MEF2B: variants seen among roughly 807,000 people sequenced by gnomAD.
MEF2B encodes the protein myocyte-specific enhancer factor 2B.
Under a neutral mutation model 32.2 loss-of-function variants are expected in MEF2B, and 15 were observed. That is an observed-to-expected ratio of 0.47 (90% CI 0.31 to 0.72). The LOEUF is 0.72. Among genes scored for constraint, MEF2B ranks in the 30% least tolerant of loss-of-function variants. The probability of loss-of-function intolerance (pLI) is 0.05; values close to 1 mark genes in which losing one functional copy is unlikely to be tolerated. For synonymous variants in MEF2B, 205 were observed against 225.6 expected, an observed-to-expected ratio of 0.91 and a Z score of 0.82; for missense variants, 441 against 511.5, an observed-to-expected ratio of 0.86 and a Z score of 1.33.
Position 19,147,176 on chromosome 19 carries a change from G to T in MEF2B, c.401C>A (p.Ala134Asp). 6.4e-7 allele frequency: 1 copy of T among 1,574,614 alleles called. No individual in the cohort carries two copies. The highest frequency in any genetic ancestry group is 8.6e-7 in the Non-Finnish European group (1 of 1,160,538). ...ALPRPRLYPA[A>D]PAMPSPDVVY... ...CACATCTGGGCTGGGCATAGCAGGA[G>T]CTGCAGGCTGTGGGTAGAGAAGGGA... The change falls in exon 5 of 9, where the codon GCT becomes GAT. Residue 134 changes from alanine to aspartate, a missense_variant. Physicochemically the swap from Ala to Asp is moderately radical, Grantham distance 126. This residue lies in a region of MEF2B where 326 missense variants were observed against 328.4 expected (regional missense o/e 0.99). Transcript: ENST00000424583.
At chr19:19,148,630 C>G (rs1388013336) in intron 3 of MEF2B, among the ~76,000 whole-genome samples, 1 of 152,156 alleles carries the variant, frequency 6.6e-6, no homozygotes, top group Non-Finnish European at 1.5e-5. Context: ...GCCCGCTGCT[C>G]TCTGCAGCCC....
chr19:19,158,591 G>T (rs1192560634), intron 1 of MEF2B, among the ~76,000 whole-genome samples: 2 of 138,512 alleles, frequency 1.4e-5, no homozygotes, highest in Non-Finnish European at 3.1e-5. Flanking sequence ...AGCCCTGTCT[G>T]TAGGAAAAAA....
chr19:19,164,884 C>T lies in MEF2B; in HGVS notation c.-30+5321G>A, dbSNP rs1726315316. Among the ~76,000 whole-genome samples, 4 of 152,160 alleles carry T rather than the reference C, an allele frequency of 2.6e-5. No homozygotes were observed. In the South Asian group the frequency reaches 8.3e-4, roughly 32 times the overall value. On this transcript the variant is annotated intron_variant, in intron 1 of 8. Coordinates refer to ENST00000424583, the MANE Select transcript of MEF2B (RefSeq NM_001145785.2). ...GCCACAGTAGTGGCTGCAGGGACAGCCCAAGGTTTTCCTCTCTTTGTTCCA... is the reference window on the plus strand; with the variant it reads ...GCCACAGTAGTGGCTGCAGGGACAGTCCAAGGTTTTCCTCTCTTTGTTCCA...
chr19:19,157,654 C>A (rs11878175), intron 1 of MEF2B, among the ~76,000 whole-genome samples: 1,657 of 152,272 alleles, frequency 0.011, 37 homozygotes, highest in African/African-American at 0.037. Flanking sequence ...TTGAGACAAG[C>A]CTGGCCAACA....
chr19:19,146,340 G>T lies in MEF2B; in HGVS notation c.814C>A (p.Pro272Thr), dbSNP rs1487450265. ...DPPPPPGLLQ[P>T]PTLAPWQPSR... is the part of the protein sequence containing the mutation. Reference sequence around the variant, plus strand: ...GGCTGCCAGGGGGCCAGGGTGGGGGGCTGCAACAAGCCAGGGGGCGGTGGA... The same window carrying T: ...GGCTGCCAGGGGGCCAGGGTGGGGGTCTGCAACAAGCCAGGGGGCGGTGGA... The change falls in exon 8 of 9, where the codon CCC (proline) becomes ACC (threonine). Residue 272 changes from proline (P) to threonine (T), a missense_variant. Physicochemically the swap from Pro to Thr is conservative, Grantham distance 38. Coordinates refer to ENST00000424583, the MANE Select transcript of MEF2B (RefSeq NM_001145785.2). 9.3e-6 allele frequency: 11 copies of T among 1,184,402 alleles called. No homozygotes were observed. The highest frequency in any genetic ancestry group is 5.9e-5 in the East Asian group (2 of 33,698). The allele number at this position is 1,184,402 out of a possible 1,614,324, so 73.4% of individuals were successfully genotyped here. A position where few individuals can be genotyped will look rare whatever the true frequency, so the allele number is the denominator to read the frequency against.
rs200436426 is a variant in MEF2B, at chr19:19,145,755, G to A, written c.*42C>T. On this transcript the variant is annotated 3_prime_UTR_variant, in exon 9 of 9. Coordinates refer to ENST00000424583, the MANE Select transcript of MEF2B (RefSeq NM_001145785.2). This position sits in a 1 kb window ranked among gnomAD's most constrained non-coding sequence, Gnocchi z 4.6. ...GGTGGGGTCCCCACGTGCCCTCGCCGTACCTGGCGAGCGCTCTGGGCTGGT... is the reference window on the plus strand; with the variant it reads ...GGTGGGGTCCCCACGTGCCCTCGCCATACCTGGCGAGCGCTCTGGGCTGGT... 1.3e-6 allele frequency: 2 copies of A among 1,556,748 alleles called. No individual in the cohort carries two copies. The highest frequency in any genetic ancestry group is 2.4e-5 in the East Asian group (1 of 42,036).
chr19:19,161,494 AAC>A (rs1242945811), intron 1 of MEF2B, among the ~76,000 whole-genome samples: 2 of 151,908 alleles, frequency 1.3e-5, no homozygotes, highest in African/African-American at 4.8e-5. Context: ...CAGCTCTCCA[AAC>A]ACACACATCC....
rs1268430282 is a variant in MEF2B at position 19,145,814 on chromosome 19, C to T, written c.1090G>A (p.Asp364Asn). 1.3e-5 allele frequency: 20 copies of T among 1,534,466 alleles called. No homozygotes were observed. The highest frequency in any genetic ancestry group is 2.5e-5 in the East Asian group (1 of 40,798). ...GPALRRLPLA[D>N]GWPR ...GTGATCTCCTACCGGGGCCAGCCGT[C>T]GGCCAAGGGCAGCCGGCGCAGGGCG... The change falls in exon 9 of 9, where the codon GAC becomes AAC. Residue 364 changes from aspartate to asparagine, a missense_variant. Coordinates refer to ENST00000424583, the MANE Select transcript of MEF2B (RefSeq NM_001145785.2). The surrounding 1 kb of genome is among the most constrained non-coding windows in gnomAD (Gnocchi z 4.6).
At chr19:19,167,902 G>A (rs2060222535) in intron 1 of MEF2B, among the ~76,000 whole-genome samples, 1 of 152,138 alleles carries the variant, frequency 6.6e-6, no homozygotes, top group African/African-American at 2.4e-5. Flanking sequence ...GGGGCCTAGT[G>A]TTACTACCTG....
At chr19:19,149,067 G>T in intron 3 of MEF2B, 159 bp downstream of exon 3, 1 of 893,136 alleles carries the variant, frequency 1.1e-6, no homozygotes, top group Non-Finnish European at 1.7e-6. Context: ...CAAATGTTTG[G>T]ATGAGTGGAG....
At chr19:19,159,241 T>TAAA (rs35056015) in intron 1 of MEF2B, among the ~76,000 whole-genome samples, 27,254 of 87,390 alleles carry the variant, frequency 0.31, 3,935 homozygotes, top group Non-Finnish European at 0.33. Context: ...GTGCGTGGCC[T>TAAA]AAAAAAAAAA....
chr19:19,149,524 C>T (rs2060055576), intron 2 of MEF2B, 95 bp from the exon 3 acceptor site: 3 of 1,500,642 alleles, frequency 2.0e-6, no homozygotes, highest in Middle Eastern at 1.9e-4. Flanking sequence ...CTTCCTCGAA[C>T]ATGCCTCAGG....
Position 19,167,652 on chromosome 19 carries a change from A to G in MEF2B, c.-30+2553T>C, listed in dbSNP as rs187064003. ...AATTCCCCTTCTCTTCTTAATTTGC[A>G]TTTTCCAGATGTCCACCTGGTTGGG... is the stretch of plus-strand genomic sequence containing the variant. On this transcript the variant is annotated intron_variant, in intron 1 of 8. Transcript: ENST00000424583. Among the ~76,000 whole-genome samples, 6 of 152,326 alleles carry G rather than the reference A, an allele frequency of 3.9e-5. 1 individual carries two copies. The East Asian group carries it at 1.2e-3, about 29-fold the overall frequency.
intron 1 of MEF2B, among the ~76,000 whole-genome samples, chr19:19,162,425 A>AC (rs1335188491): frequency 6.6e-6 from 1 of 152,128 alleles, no homozygotes; most frequent in African/African-American, 2.4e-5. Flanking sequence ...GAGCCACCAC[A>AC]CAGGCCTGGC....
intron 1 of MEF2B, among the ~76,000 whole-genome samples, chr19:19,164,634 T>G (rs537683345): frequency 5.9e-5 from 9 of 152,254 alleles, no homozygotes; most frequent in African/African-American, 2.2e-4. Context: ...GCCAACATAG[T>G]GAAACCCCAT....
intron 1 of MEF2B, among the ~76,000 whole-genome samples, chr19:19,158,690 G>A (rs2060137745): frequency 6.6e-6 from 1 of 151,628 alleles, no homozygotes; most frequent in South Asian, 2.1e-4. Flanking sequence ...CCCAGGAGGT[G>A]GAGGTTGCAG....
At position 19,147,200 on chromosome 19, in the gene MEF2B, G is replaced by T. The variant is rs1437915388; in HGVS notation, c.394-17C>A. The T allele has an allele frequency of 6.4e-7, 1 of 1,559,678 alleles. No homozygotes were observed. The highest frequency in any genetic ancestry group is 8.7e-7 in the Non-Finnish European group (1 of 1,152,850). On this transcript the variant is annotated splice_polypyrimidine_tract_variant and intron_variant, in intron 4 of 8. Transcript: ENST00000424583. ...AGCTGCAGGCTGTGGGTAGAGAAGG[G>T]ATGGGTCAGAGGACCCCAGGCCAGA... is the stretch of plus-strand genomic sequence containing the variant.
In MEF2B at chr19:19,145,857, C is replaced by A; in HGVS notation, c.1047G>T (p.Glu349Asp). The part of the protein sequence containing the change: ...YPLLLARSLA[E>D]PLRPGPALRR... ...GCAGGGCGGGCCCAGGCCGCAGAGG[C>A]TCTGCCAGGGACCGGGCGAGGAGCA... Residue 349 changes from glutamate to aspartate, a missense_variant, in exon 9 of 9, where the codon GAG (glutamate) becomes GAT (aspartate). Around this residue, in one of 2 missense-constraint regions of MEF2B, gnomAD observed 326 missense variants for 328.4 expected, o/e 0.99. Transcript: ENST00000424583. The surrounding 1 kb of genome is among the most constrained non-coding windows in gnomAD (Gnocchi z 4.6). 6.7e-7 allele frequency: 1 copy of A among 1,495,078 alleles called. No individual in the cohort carries two copies. The highest frequency in any genetic ancestry group is 8.9e-7 in the Non-Finnish European group (1 of 1,120,078). 92.6% of individuals were successfully genotyped at this position (1,495,078 alleles called of 1,614,324 possible).
intron 8 of MEF2B, 108 bp from the exon 9 acceptor site, chr19:19,146,130 AG>A: frequency 1.9e-6 from 2 of 1,031,522 alleles, no homozygotes; most frequent in Non-Finnish European, 1.3e-6. Flanking sequence ...CTGGGAAAGG[AG>A]GGGGTGGCGG....
Sources: gnomAD v4.1 joint callset for allele counts (sites outside exome capture counted in the v4.1 genomes callset) on GRCh38, gnomAD v4.1.1 for gene constraint, gnomAD v4.1.1 regional missense constraint, Gnocchi (gnomAD v3.1) non-coding constraint, MANE v1.5 for transcripts, NCBI Gene and HGNC (gene_info 2026-07-23, HGNC 2026-07-21) for gene names.